The following FBXO40 variants were observed in gnomAD, a reference collection of about 807,000 sequenced individuals.
FBXO40 encodes the protein F-box only protein 40.
Under a neutral mutation model 49.9 loss-of-function variants are expected in FBXO40, and 50 were observed. The ratio of observed to expected loss-of-function variants is 1.00; its 90% CI spans 0.80 to 1.27. The LOEUF is 1.27. Among genes scored for constraint, FBXO40 ranks in the 50% most tolerant of loss-of-function variants. The pLI is 0.00. For synonymous variants in FBXO40, 340 were observed against 320.2 expected (o/e 1.06, Z -0.66); for missense variants, 895 against 870.1 (o/e 1.03, Z -0.36).
chr3:121,595,516 T>C (rs905381241), intron 1 of FBXO40, among the ~76,000 whole-genome samples: 1 of 152,202 alleles, frequency 6.6e-6, no homozygotes, highest in African/African-American at 2.4e-5. Context: ...CAATAACTAA[T>C]AAGTATAAAG....
chr3:121,613,016 G>A (rs2048975791), intron 1 of FBXO40, among the ~76,000 whole-genome samples: 1 of 149,966 alleles, frequency 6.7e-6, no homozygotes, highest in African/African-American at 2.5e-5. Flanking sequence ...CTTTCAGTGA[G>A]CCGAGATCCA....
chr3:121,600,491 C>T (rs1430665454), intron 1 of FBXO40, among the ~76,000 whole-genome samples: 1 of 152,064 alleles, frequency 6.6e-6, no homozygotes, highest in Non-Finnish European at 1.5e-5. Context: ...AAAATAATCG[C>T]CATAAGGAAG....
At chr3:121,624,791 A>G (rs1272591294) in intron 3 of FBXO40, among the ~76,000 whole-genome samples, 1 of 151,994 alleles carries the variant, frequency 6.6e-6, no homozygotes, top group African/African-American at 2.4e-5. Flanking sequence ...CCCAGGGCAT[A>G]ACTCTCTAGG....
intron 1 of FBXO40, among the ~76,000 whole-genome samples, chr3:121,595,150 T>C (rs1458538810): frequency 7.9e-5 from 12 of 152,224 alleles, no homozygotes; most frequent in Non-Finnish European, 1.5e-5. Context: ...CCTTAACTCC[T>C]GGTTCCTTCC....
chr3:121,623,932 C>G (rs2049048475), intron 3 of FBXO40, among the ~76,000 whole-genome samples: 1 of 150,684 alleles, frequency 6.6e-6, no homozygotes, highest in Admixed American at 6.6e-5. Context: ...AGGTGATCCA[C>G]CCGCCTCGGC....
At chr3:121,606,496 A>G (rs956074160) in intron 1 of FBXO40, among the ~76,000 whole-genome samples, 1 of 152,234 alleles carries the variant, frequency 6.6e-6, no homozygotes, top group Admixed American at 6.5e-5. Context: ...GTAAGGTTAA[A>G]TACCCTAGTT....
At chr3:121,616,230 C>T (rs1287889535) in intron 1 of FBXO40, among the ~76,000 whole-genome samples, 2 of 152,102 alleles carry the variant, frequency 1.3e-5, no homozygotes, top group South Asian at 2.1e-4. Context: ...AGCACTCTGC[C>T]GTGATTCCTC....
chr3:121,618,958 G>GGTTATTTTTTTTTTCTTT, intron 1 of FBXO40, among the ~76,000 whole-genome samples: 1 of 149,288 alleles, frequency 6.7e-6, no homozygotes, highest in Non-Finnish European at 1.5e-5. Context: ...TACCCACAAT[G>GGTTATTTTTTTTTTCTTT]AATTGGCAAA....
chr3:121,596,750 G>A (rs1162507564), intron 1 of FBXO40, among the ~76,000 whole-genome samples: 3 of 151,734 alleles, frequency 2.0e-5, no homozygotes, highest in Admixed American at 6.6e-5. Flanking sequence ...ATTAACCTAA[G>A]TTGAAATGAT....
At chr3:121,603,488 T>C (rs1002997413) in intron 1 of FBXO40, among the ~76,000 whole-genome samples, 7 of 152,210 alleles carry the variant, frequency 4.6e-5, no homozygotes, top group Non-Finnish European at 8.8e-5. Context: ...CTCTTTAACA[T>C]TATCTTTAAG....
rs779097611 is a variant in FBXO40 at position 121,623,179 on chromosome 3, A to G, written c.1750A>G (p.Ile584Val). ...TSLPLEILKY[I>V]AGFLDSVSLA... The stretch of plus-strand genomic sequence containing the variant: ...CCTGCCCCTGGAGATTTTGAAGTAC[A>G]TTGCTGGGTTCTTGGACAGCGTCAG... Residue 584 changes from isoleucine to valine, a missense_variant, in exon 3 of 4, where the codon ATT becomes GTT. Coordinates refer to ENST00000338040, the MANE Select transcript of FBXO40 (RefSeq NM_016298.4). The G allele has an allele frequency of 4.5e-5, 73 of 1,614,034 alleles. No individual in the cohort carries two copies. The highest frequency in any genetic ancestry group is 1.0e-4 in the Admixed American group (6 of 60,008).
At chr3:121,609,763 C>A (rs1046518828) in intron 1 of FBXO40, among the ~76,000 whole-genome samples, 9 of 152,178 alleles carry the variant, frequency 5.9e-5, no homozygotes, top group Admixed American at 6.5e-5. Context: ...GCAAGAAAAC[C>A]AGAGTCCCTG....
chr3:121,621,644 G>A lies in FBXO40; in HGVS notation c.215G>A (p.Cys72Tyr). The A allele has an allele frequency of 6.2e-7, 1 of 1,614,132 alleles. No homozygotes were observed. The highest frequency in any genetic ancestry group is 8.5e-7 in the Non-Finnish European group (1 of 1,180,012). The stretch of plus-strand genomic sequence containing the variant: ...CCGTGCCTCAACTCCGAATATGGCT[G>A]CCCTCTGTCCATGTCCCGCCACAAA... ...QVPCLNSEYG[C>Y]PLSMSRHKLA... is the part of the protein sequence containing the mutation. The change falls in exon 3 of 4, where the codon TGC becomes TAC. Residue 72 changes from cysteine to tyrosine, a missense_variant. By Grantham distance (194) the Cys-to-Tyr change is radical. Coordinates refer to ENST00000338040, the MANE Select transcript of FBXO40 (RefSeq NM_016298.4).
rs984192368 is a variant in FBXO40 at position 121,620,590 on chromosome 3, G to A, written c.3+12G>A. The A allele has an allele frequency of 1.9e-6, 3 of 1,613,994 alleles. No individual in the cohort carries two copies. The African/African-American group carries it at 4.0e-5, about 22-fold the overall frequency. Reference sequence around the variant, plus strand: ...ATTGGGGCGCCATGGTAAGCACCAGGAGCTTATTGAAGCTTCACCATTGAG... The same window carrying A: ...ATTGGGGCGCCATGGTAAGCACCAGAAGCTTATTGAAGCTTCACCATTGAG... On this transcript the variant is annotated intron_variant, in intron 2 of 3. Transcript: ENST00000338040.
Position 121,626,589 on chromosome 3 carries a change from C to T in FBXO40, c.1915-106C>T, listed in dbSNP as rs1016002503. On this transcript the variant is annotated intron_variant, in intron 3 of 3. Coordinates refer to ENST00000338040, the MANE Select transcript of FBXO40 (RefSeq NM_016298.4). ...CAGGAGCCACTAAACACTCTGGAGT[C>T]TAAGAATATGAAGAACAGGAGGATA... 9.9e-6 allele frequency: 10 copies of T among 1,009,752 alleles called. No homozygotes were observed. In the African/African-American group the frequency reaches 1.4e-4, roughly 14 times the overall value. The allele number at this position is 1,009,752 out of a possible 1,614,324, so 62.5% of individuals were successfully genotyped here.
At chr3:121,625,542 G>A (rs139834091) in intron 3 of FBXO40, among the ~76,000 whole-genome samples, 41 of 152,286 alleles carry the variant, frequency 2.7e-4, no homozygotes, top group African/African-American at 8.7e-4. Context: ...AACCAAGCAC[G>A]TATTAGGAAG....
At chr3:121,620,445 G>T in intron 1 of FBXO40, 101 bp from the exon 2 acceptor site, 1 of 1,053,914 alleles carries the variant, frequency 9.5e-7, no homozygotes. Context: ...GATGGTGGAA[G>T]GAATTAAATG....
intron 3 of FBXO40, among the ~76,000 whole-genome samples, chr3:121,624,291 T>A (rs1411861786): frequency 6.6e-6 from 1 of 152,050 alleles, no homozygotes; most frequent in Non-Finnish European, 1.5e-5. Flanking sequence ...CGCCCGGCCT[T>A]AAAGAGCTTT....
intron 1 of FBXO40, among the ~76,000 whole-genome samples, chr3:121,616,409 G>C: frequency 6.6e-6 from 1 of 152,190 alleles, no homozygotes; most frequent in Non-Finnish European, 1.5e-5. Context: ...TTGTGAAGAT[G>C]GGAATGTTCT....
Sources: allele counts gnomAD v4.1 joint callset (sites outside exome capture counted in the v4.1 genomes callset), GRCh38; gene constraint gnomAD v4.1.1; transcripts MANE v1.5; gene names NCBI Gene and HGNC (gene_info 2026-07-23, HGNC 2026-07-21).